The following OSBPL1A variants were observed in gnomAD, a reference collection of about 807,000 sequenced individuals.
OSBPL1A encodes the protein oxysterol-binding protein-related protein 1.
Under a neutral mutation model 137.1 loss-of-function variants are expected in OSBPL1A, and 80 were observed. The ratio of observed to expected loss-of-function variants is 0.58; its 90% CI spans 0.49 to 0.70. The LOEUF (loss-of-function observed/expected upper bound fraction) is 0.70, where lower values mean the gene tolerates loss of function less well. Ranked by LOEUF, OSBPL1A falls within the 30% of genes least tolerant of loss-of-function variation. The pLI is 0.00. For synonymous variants in OSBPL1A, 365 were observed against 389.7 expected, an observed-to-expected ratio of 0.94 and a Z score of 0.75; for missense variants, 970 against 1,129.4, an observed-to-expected ratio of 0.86 and a Z score of 2.02.
chr18:24,198,399 G>A (rs750222266), intron 17 of OSBPL1A, among the ~76,000 whole-genome samples: 1 of 152,128 alleles, frequency 6.6e-6, no homozygotes, highest in Non-Finnish European at 1.5e-5. Context: ...TCATTTTTAT[G>A]CACAAAACTT....
intron 14 of OSBPL1A, among the ~76,000 whole-genome samples, chr18:24,288,545 A>T (rs2090112844): frequency 6.6e-6 from 1 of 152,224 alleles, no homozygotes; most frequent in Non-Finnish European, 1.5e-5. Context: ...AGGCAGGCAG[A>T]TCACCTGAGG....
Position 24,383,419 on chromosome 18 carries a change from A to C in OSBPL1A, c.-2-5884T>G, listed in dbSNP as rs138234429. On this transcript the variant is annotated intron_variant, in intron 1 of 27. Transcript: ENST00000319481. ...TATTGGGCTTACAGAAAAAAAGATT[A>C]AAAAAATTCTCAAGTTCTGTACAAT... 1.7e-4 allele frequency among the ~76,000 whole-genome samples: 26 copies of C among 152,352 alleles called. No homozygotes were observed. In the East Asian group the frequency reaches 3.1e-3, roughly 18 times the overall value.
intron 17 of OSBPL1A, among the ~76,000 whole-genome samples, chr18:24,211,154 A>G (rs761627722): frequency 1.4e-4 from 21 of 152,162 alleles, no homozygotes; most frequent in Non-Finnish European, 2.9e-4. Flanking sequence ...TTTAGTAGAG[A>G]CAGGGTTTCA....
At chr18:24,352,531 C>T (rs989862416) in intron 4 of OSBPL1A, among the ~76,000 whole-genome samples, 4 of 152,074 alleles carry the variant, frequency 2.6e-5, no homozygotes, top group Non-Finnish European at 4.4e-5. Flanking sequence ...CATCAAGCTA[C>T]CAATGCCTTT....
intron 4 of OSBPL1A, among the ~76,000 whole-genome samples, chr18:24,364,493 T>G (rs374533471): frequency 6.6e-6 from 1 of 152,212 alleles, no homozygotes; most frequent in African/African-American, 2.4e-5. Flanking sequence ...CAGTTGTGCA[T>G]GCCTACAGTC....
At chr18:24,369,857 A>C (rs1905476713) in intron 2 of OSBPL1A, among the ~76,000 whole-genome samples, 3 of 152,078 alleles carry the variant, frequency 2.0e-5, no homozygotes, top group Admixed American at 2.0e-4. Context: ...TCTCCCCCTT[A>C]TTCTTCAGGT....
chr18:24,368,763 G>A (rs1479655995), intron 2 of OSBPL1A, among the ~76,000 whole-genome samples: 2 of 152,168 alleles, frequency 1.3e-5, no homozygotes, highest in African/African-American at 4.8e-5. Context: ...TATCAGGAGG[G>A]TATGGAGGAG....
chr18:24,244,725 A>G (rs2088829681), intron 15 of OSBPL1A, among the ~76,000 whole-genome samples: 1 of 152,228 alleles, frequency 6.6e-6, no homozygotes, highest in South Asian at 2.1e-4. Context: ...GGCTATTTCC[A>G]AAGTGAATGG....
At chr18:24,294,380 C>T (rs1441269829) in intron 14 of OSBPL1A, among the ~76,000 whole-genome samples, 1 of 151,954 alleles carries the variant, frequency 6.6e-6, no homozygotes, top group South Asian at 2.1e-4. Context: ...TACAGGTACC[C>T]GCCACCAGGC....
intron 18 of OSBPL1A, among the ~76,000 whole-genome samples, chr18:24,183,264 A>G (rs750124179): frequency 1.1e-4 from 17 of 152,246 alleles, no homozygotes; most frequent in Non-Finnish European, 1.8e-4. Context: ...ATAAAATATA[A>G]TAATATTGAA....
intron 21 of OSBPL1A, among the ~76,000 whole-genome samples, chr18:24,177,304 T>C (rs1041490602): frequency 3.9e-5 from 6 of 152,224 alleles, no homozygotes; most frequent in African/African-American, 1.2e-4. Flanking sequence ...AAAGAAAGAA[T>C]TACTCTCAGA....
chr18:24,312,276 T>C (rs993694092), intron 12 of OSBPL1A, among the ~76,000 whole-genome samples, 170 bp from the exon 13 acceptor site: 3 of 152,212 alleles, frequency 2.0e-5, no homozygotes, highest in Admixed American at 2.0e-4. Flanking sequence ...CTCTTGTCCA[T>C]GATATGTCTG....
At position 24,324,281 on chromosome 18, in the gene OSBPL1A, A is replaced by G. The variant is rs554422352; in HGVS notation, c.626-5472T>C. ...CCAGAGAACCTGTTCTGGGCCAACA[A>G]TGCACCACCAGGCTTTCCCAAGTGC... On this transcript the variant is annotated intron_variant, in intron 7 of 27. Coordinates refer to ENST00000319481, the MANE Select transcript of OSBPL1A (RefSeq NM_080597.4). Among the ~76,000 whole-genome samples the G allele has an allele frequency of 1.2e-4, 8 of 65,248 alleles. 3 individuals carry two copies. The highest frequency in any genetic ancestry group is 8.6e-4 in the Admixed American group (7 of 8,160). The allele number at this position is 65,248 out of a possible 152,430, so 42.8% of individuals were successfully genotyped here. A position where few individuals can be genotyped will look rare whatever the true frequency, so the allele number is the denominator to read the frequency against.
At chr18:24,229,169 T>G (rs1478246836) in intron 16 of OSBPL1A, among the ~76,000 whole-genome samples, 2 of 152,082 alleles carry the variant, frequency 1.3e-5, no homozygotes, top group African/African-American at 4.8e-5. Context: ...ACCACTGTAC[T>G]CCAGCCTGGG....
chr18:24,222,751 T>C (rs2087932767), intron 17 of OSBPL1A, among the ~76,000 whole-genome samples: 1 of 152,188 alleles, frequency 6.6e-6, no homozygotes, highest in Non-Finnish European at 1.5e-5. Flanking sequence ...TGGGATTTAA[T>C]ACTTTCTATG....
At chr18:24,256,510 A>T (rs2089278993) in intron 15 of OSBPL1A, among the ~76,000 whole-genome samples, 1 of 152,254 alleles carries the variant, frequency 6.6e-6, no homozygotes, top group African/African-American at 2.4e-5. Flanking sequence ...AGCTAGTATC[A>T]TACTAAATGA....
intron 13 of OSBPL1A, among the ~76,000 whole-genome samples, chr18:24,311,725 C>T (rs931357): frequency 0.58 from 87,671 of 151,966 alleles, 26,607 homozygotes; most frequent in African/African-American, 0.71. Flanking sequence ...TTAACAGCAA[C>T]GTAAAAAGTT....
intron 13 of OSBPL1A, among the ~76,000 whole-genome samples, chr18:24,310,432 C>CAAAAAAA (rs3039412): frequency 6.7e-5 from 6 of 89,738 alleles, no homozygotes; most frequent in Non-Finnish European, 8.4e-5. Context: ...ACTAAAAATA[C>CAAAAAAA]AAAAAAAAAA....
In OSBPL1A at chr18:24,280,738, A is replaced by G. The variant is rs1048279486; in HGVS notation, c.1281+104T>C. The G allele has an allele frequency of 2.8e-5, 18 of 651,106 alleles. No individual in the cohort carries two copies. The African/African-American group carries it at 3.0e-4, about 11-fold the overall frequency. The allele number at this position is 651,106 out of a possible 1,614,324, so 40.3% of individuals were successfully genotyped here. On this transcript the variant is annotated intron_variant, in intron 15 of 27. Coordinates refer to ENST00000319481, the MANE Select transcript of OSBPL1A (RefSeq NM_080597.4). ...AATGAAGCTTTCCTTTGTTAATACTAATTTTTTCCTACCTTTGAACAATTT... is the reference window on the plus strand; with the variant it reads ...AATGAAGCTTTCCTTTGTTAATACTGATTTTTTCCTACCTTTGAACAATTT...
Sources: allele counts gnomAD v4.1 joint callset (sites outside exome capture counted in the v4.1 genomes callset), GRCh38; gene constraint gnomAD v4.1.1; transcripts MANE v1.5; gene names NCBI Gene and HGNC (gene_info 2026-07-23, HGNC 2026-07-21).